Variants in PATJ observed in about 807,000 individuals in gnomAD.
The protein encoded by PATJ is inaD-like protein.
Under a neutral mutation model 224.9 loss-of-function variants are expected in PATJ, and 190 were observed. The ratio of observed to expected loss-of-function variants is 0.84; its 90% confidence interval spans 0.75 to 0.95. The LOEUF (loss-of-function observed/expected upper bound fraction) is 0.95, where lower values mean the gene tolerates loss of function less well. Ranked by LOEUF, PATJ falls within the 40% of genes least tolerant of loss-of-function variation. The pLI, the probability that PATJ is intolerant of heterozygous loss-of-function variation, is 0.00. For missense variants in PATJ, 2,121 were observed against 2,270.3 expected (o/e 0.93, Z 1.34); for synonymous variants, 769 against 820.3 (o/e 0.94, Z 1.07).
chr1:62,130,723 C>T (rs999546725), intron 41 of PATJ, among the ~76,000 whole-genome samples: 5 of 151,790 alleles, frequency 3.3e-5, no homozygotes, highest in South Asian at 4.2e-4. Flanking sequence ...TGGTGGCGGG[C>T]GCCTATAGTC....
At chr1:62,126,913 A>G (rs1261165250) in intron 39 of PATJ, among the ~76,000 whole-genome samples, 2 of 152,198 alleles carry the variant, frequency 1.3e-5, no homozygotes, top group African/African-American at 4.8e-5. Context: ...TGACAGTGCC[A>G]TACTATCTCA....
chr1:61,913,759 A>T (rs1360687963), intron 25 of PATJ, among the ~76,000 whole-genome samples: 1 of 152,170 alleles, frequency 6.6e-6, no homozygotes, highest in Non-Finnish European at 1.5e-5. Flanking sequence ...GCTAATAGTG[A>T]TAGTGGAATA....
chr1:61,963,380 A>T (rs1195865491), intron 27 of PATJ, among the ~76,000 whole-genome samples: 1 of 152,130 alleles, frequency 6.6e-6, no homozygotes, highest in Non-Finnish European at 1.5e-5. Context: ...AGATTGCTTG[A>T]GGTCAGGAGT....
chr1:62,064,173 A>T (rs1479198785), intron 31 of PATJ, among the ~76,000 whole-genome samples: 2 of 152,150 alleles, frequency 1.3e-5, no homozygotes, highest in African/African-American at 4.8e-5. Flanking sequence ...GTACGTTCCT[A>T]CAATGCCTAG....
chr1:61,978,181 A>G (rs971575514), intron 27 of PATJ, among the ~76,000 whole-genome samples: 1 of 148,578 alleles, frequency 6.7e-6, no homozygotes, highest in Non-Finnish European at 1.5e-5. Context: ...ACTTGTTTGG[A>G]CTTTCATCTT....
chr1:61,930,931 G>A (rs951662215), intron 27 of PATJ, among the ~76,000 whole-genome samples: 2 of 152,078 alleles, frequency 1.3e-5, no homozygotes, highest in African/African-American at 4.8e-5. Flanking sequence ...TGAAACTCCC[G>A]ACCTCAGGTG....
At chr1:62,016,952 A>G (rs931339343) in intron 28 of PATJ, among the ~76,000 whole-genome samples, 1 of 152,240 alleles carries the variant, frequency 6.6e-6, no homozygotes, top group Admixed American at 6.5e-5. Flanking sequence ...GAAATGAAAT[A>G]TGTGTCCTAA....
At chr1:61,777,406 G>A (rs1323877239) in intron 7 of PATJ, among the ~76,000 whole-genome samples, 1 of 152,038 alleles carries the variant, frequency 6.6e-6, no homozygotes, top group Non-Finnish European at 1.5e-5. Context: ...CTCTACAAAA[G>A]ACACAAAAGT....
intron 1 of PATJ, among the ~76,000 whole-genome samples, chr1:61,755,490 T>A (rs1645589574): frequency 6.6e-6 from 1 of 152,140 alleles, no homozygotes; most frequent in Non-Finnish European, 1.5e-5. Context: ...TGGGAATGTG[T>A]GTTTTAAAAA....
At chr1:61,807,544 AACAG>A (rs1052022382) in intron 13 of PATJ, among the ~76,000 whole-genome samples, 137 of 152,320 alleles carry the variant, frequency 9.0e-4, no homozygotes, top group African/African-American at 3.2e-3. Flanking sequence ...GTGAGGTCAT[AACAG>A]ACAAATTATA....
intron 28 of PATJ, among the ~76,000 whole-genome samples, chr1:62,002,427 C>T (rs1224247843): frequency 3.3e-5 from 5 of 152,132 alleles, no homozygotes; most frequent in Admixed American, 6.6e-5. Context: ...AAAAAGAGAG[C>T]GGGGCGCAGT....
intron 25 of PATJ, among the ~76,000 whole-genome samples, chr1:61,908,935 G>A (rs1417293958): frequency 6.6e-6 from 1 of 152,106 alleles, no homozygotes; most frequent in Non-Finnish European, 1.5e-5. Context: ...TTCTAATGTT[G>A]GAGATTCCAA....
Position 61,838,650 on chromosome 1 carries a change from G to A in PATJ, c.2112+4865G>A, listed in dbSNP as rs572472156. ...CTCCCAAAGTGCTGGGATTACAGGCGTGAGCCACTGCGCCCGGCCGACTGA... is the reference window on the plus strand; with the variant it reads ...CTCCCAAAGTGCTGGGATTACAGGCATGAGCCACTGCGCCCGGCCGACTGA... On this transcript the variant is annotated intron_variant, in intron 17 of 43. Transcript: ENST00000642238. Among the ~76,000 whole-genome samples the A allele has an allele frequency of 8.9e-4, 135 of 151,744 alleles. 1 individual carries two copies. The highest frequency in any genetic ancestry group is 4.4e-3 in the South Asian group (21 of 4,804).
intron 33 of PATJ, among the ~76,000 whole-genome samples, chr1:62,085,345 C>A (rs1393132977): frequency 1.3e-5 from 2 of 151,464 alleles, no homozygotes; most frequent in East Asian, 1.9e-4. Flanking sequence ...GAGAGCAAGA[C>A]CTTGTCTTAA....
intron 27 of PATJ, among the ~76,000 whole-genome samples, chr1:61,932,199 C>A (rs1022404517): frequency 6.6e-6 from 1 of 152,136 alleles, no homozygotes; most frequent in Non-Finnish European, 1.5e-5. Flanking sequence ...ACAGCCCCAG[C>A]CATTTCTGAT....
intron 17 of PATJ, among the ~76,000 whole-genome samples, chr1:61,834,029 G>A (rs1227300164): frequency 6.6e-6 from 1 of 152,162 alleles, no homozygotes; most frequent in African/African-American, 2.4e-5. Context: ...TGCTTTTAGA[G>A]CAGGATCTTG....
intron 27 of PATJ, among the ~76,000 whole-genome samples, chr1:61,959,425 A>ATTTTTTTC (rs1557944867): frequency 3.1e-4 from 19 of 61,128 alleles, no homozygotes; most frequent in African/African-American, 1.1e-3. Context: ...TATATAATAT[A>ATTTTTTTC]TTTTTTTTCT....
At chr1:62,133,438 C>T (rs920410351) in intron 41 of PATJ, among the ~76,000 whole-genome samples, 4 of 152,028 alleles carry the variant, frequency 2.6e-5, no homozygotes, top group East Asian at 1.9e-4. Flanking sequence ...AAAAATTAGC[C>T]GGGTGTGTTG....
rs1659704820 is a variant in PATJ, at chr1:62,084,515, G to A, written c.4244G>A (p.Gly1415Asp). Reference sequence around the variant, plus strand: ...CATGCTGTGTTCAATTCTTTTCCAGGTGGTTTCCAGGCTCCTCTGTCAGTG... The same window carrying A: ...CATGCTGTGTTCAATTCTTTTCCAGATGGTTTCCAGGCTCCTCTGTCAGTG... ...HSTDADFTGYGGFQAPLSVDP... is the reference protein window; with the variant it reads ...HSTDADFTGYDGFQAPLSVDP... Residue 1415 changes from glycine to aspartate, a missense_variant and splice_region_variant, in exon 33 of 44, where the codon GGT becomes GAT. Transcript: ENST00000642238. 1 of 1,608,022 alleles carries A rather than the reference G, an allele frequency of 6.2e-7. No individual in the cohort carries two copies. The highest frequency in any genetic ancestry group is 1.1e-5 in the South Asian group (1 of 88,942).
Sources: gnomAD v4.1 joint callset for allele counts (sites outside exome capture counted in the v4.1 genomes callset) on GRCh38, gnomAD v4.1.1 for gene constraint, MANE v1.5 for transcripts, NCBI Gene and HGNC (gene_info 2026-07-23, HGNC 2026-07-21) for gene names.